Variants in CGNL1 observed in about 807,000 individuals in gnomAD.
CGNL1 encodes cingulin-like protein 1.
In CGNL1, 132 loss-of-function variants were observed where a neutral mutation model predicts 141.2. The observed-to-expected ratio is 0.93, with a 90% confidence interval of 0.81 to 1.08. The LOEUF is 1.08. Ranked by LOEUF, CGNL1 falls within the 50% of genes least tolerant of loss-of-function variation. The pLI is 0.00. For synonymous variants in CGNL1, 690 were observed against 622.1 expected, an observed-to-expected ratio of 1.11 and a Z score of -1.63; for missense variants, 1,870 against 1,588.6, an observed-to-expected ratio of 1.18 and a Z score of -3.01.
intron 8 of CGNL1, among the ~76,000 whole-genome samples, chr15:57,479,679 A>G (rs2063701416): frequency 6.6e-6 from 1 of 152,206 alleles, no homozygotes; most frequent in Non-Finnish European, 1.5e-5. Flanking sequence ...ACAAAAAACA[A>G]AACAAAATGA....
intron 1 of CGNL1, chr15:57,377,088 C>A (rs374258758): frequency 6.6e-6 from 1 of 152,280 alleles, no homozygotes; most frequent in African/African-American, 2.4e-5. Context: ...CCGAGAGAGC[C>A]CCCGCCTCAC....
At chr15:57,383,615 TC>T (rs1235009236) in intron 1 of CGNL1, among the ~76,000 whole-genome samples, 40,334 of 140,012 alleles carry the variant, frequency 0.29, 7,811 homozygotes, top group East Asian at 0.52. Flanking sequence ...TCTTTTCTTT[TC>T]TTTTCTTTTC....
chr15:57,406,671 A>T (rs2062726720), intron 1 of CGNL1, among the ~76,000 whole-genome samples: 1 of 152,186 alleles, frequency 6.6e-6, no homozygotes, highest in African/African-American at 2.4e-5. Flanking sequence ...TCTGGCCCAG[A>T]GGGTCCTTAT....
intron 8 of CGNL1, among the ~76,000 whole-genome samples, chr15:57,495,373 C>T (rs932246599): frequency 1.3e-5 from 2 of 152,136 alleles, no homozygotes; most frequent in Non-Finnish European, 1.5e-5. Context: ...TCTGAGACCT[C>T]GAGGTGGCAT....
chr15:57,379,140 G>A (rs1438001979), intron 1 of CGNL1, among the ~76,000 whole-genome samples: 2 of 152,032 alleles, frequency 1.3e-5, no homozygotes, highest in Non-Finnish European at 2.9e-5. Flanking sequence ...TGTCTCAATT[G>A]GGAAAAGAAA....
chr15:57,508,962 G>A lies in CGNL1; in HGVS notation c.2404-7818G>A, dbSNP rs74623916. Among the ~76,000 whole-genome samples the A allele has an allele frequency of 2.8e-3, 430 of 152,328 alleles. 5 individuals are homozygous for A. Among genetic ancestry groups the A allele is most frequent in the African/African-American group, 9.9e-3 (410 of 41,572 alleles). Reference sequence around the variant, plus strand: ...AAATGATTGGGAGAAGGGATGAAGTGTGCTAGTTAAGACTAAAATATATGC... The same window carrying A: ...AAATGATTGGGAGAAGGGATGAAGTATGCTAGTTAAGACTAAAATATATGC... On this transcript the variant is annotated intron_variant, in intron 8 of 18. Coordinates refer to ENST00000281282, the MANE Select transcript of CGNL1 (RefSeq NM_032866.5).
At chr15:57,420,295 C>G (rs773400149) in intron 1 of CGNL1, among the ~76,000 whole-genome samples, 3 of 152,142 alleles carry the variant, frequency 2.0e-5, no homozygotes, top group African/African-American at 2.4e-5. Flanking sequence ...TCTAGGTGCT[C>G]TCAGCCAAAA....
chr15:57,490,767 C>T (rs12898542), intron 8 of CGNL1, among the ~76,000 whole-genome samples: 104,045 of 151,960 alleles, frequency 0.68, 36,360 homozygotes, highest in East Asian at 1. Context: ...TTCTGGTGGA[C>T]TGGGGAGTCA....
At chr15:57,505,631 C>G (rs1226480747) in intron 8 of CGNL1, among the ~76,000 whole-genome samples, 3 of 152,182 alleles carry the variant, frequency 2.0e-5, no homozygotes, top group Non-Finnish European at 4.4e-5. Flanking sequence ...CAGAGTCAGC[C>G]TAAACGCTTG....
chr15:57,516,656 G>T, intron 8 of CGNL1, 124 bp from the exon 9 acceptor site: 1 of 1,002,150 alleles, frequency 1.0e-6, no homozygotes, highest in Non-Finnish European at 1.5e-6. Flanking sequence ...GCCGACCCCT[G>T]GCTCAGCACA....
At chr15:57,416,707 A>G (rs2062853270) in intron 1 of CGNL1, among the ~76,000 whole-genome samples, 1 of 152,120 alleles carries the variant, frequency 6.6e-6, no homozygotes, top group Admixed American at 6.5e-5. Flanking sequence ...AGTGTTGGTT[A>G]CCTGGAAACT....
intron 8 of CGNL1, among the ~76,000 whole-genome samples, chr15:57,469,654 A>T (rs2063555071): frequency 6.6e-6 from 1 of 151,952 alleles, no homozygotes; most frequent in African/African-American, 2.4e-5. Context: ...CCCATATTTT[A>T]TATTGTCTAA....
chr15:57,470,240 C>CTT (rs59724078), intron 8 of CGNL1, among the ~76,000 whole-genome samples: 9 of 123,714 alleles, frequency 7.3e-5, no homozygotes, highest in East Asian at 4.8e-4. Flanking sequence ...AAAAAGATCT[C>CTT]TTTTTTTTTG....
At chr15:57,501,574 T>C (rs1183784281) in intron 8 of CGNL1, among the ~76,000 whole-genome samples, 1 of 151,942 alleles carries the variant, frequency 6.6e-6, no homozygotes, top group African/African-American at 2.4e-5. Flanking sequence ...AGACGGGGTG[T>C]TGGCCATAGA....
At position 57,526,722 on chromosome 15, in the gene CGNL1, A is replaced by G. The variant is rs12594205; in HGVS notation, c.3040-1932A>G. Among the ~76,000 whole-genome samples the G allele has an allele frequency of 4.6e-5, 7 of 152,300 alleles. No individual in the cohort carries two copies. The East Asian group carries it at 1.4e-3, about 29-fold the overall frequency. ...AAAGTTGTTTGCTTGCTTATGATTC[A>G]GGATACATTGTTCACAGACACCATG... On this transcript the variant is annotated intron_variant, in intron 12 of 18. Coordinates refer to ENST00000281282, the MANE Select transcript of CGNL1 (RefSeq NM_032866.5).
chr15:57,497,541 G>A (rs2063958298), intron 8 of CGNL1, among the ~76,000 whole-genome samples: 1 of 152,184 alleles, frequency 6.6e-6, no homozygotes, highest in African/African-American at 2.4e-5. Flanking sequence ...GGTCTTGAGT[G>A]GCCTGAACCT....
At chr15:57,502,970 G>T (rs1314915218) in intron 8 of CGNL1, among the ~76,000 whole-genome samples, 1 of 152,156 alleles carries the variant, frequency 6.6e-6, no homozygotes, top group African/African-American at 2.4e-5. Context: ...TCCACTTTCA[G>T]AGGTCCCAGT....
chr15:57,495,132 C>T (rs1478545477), intron 8 of CGNL1, among the ~76,000 whole-genome samples: 1 of 152,150 alleles, frequency 6.6e-6, no homozygotes, highest in East Asian at 1.9e-4. Flanking sequence ...GGTCCTTAAA[C>T]CATGATGCTT....
At chr15:57,527,438 T>TTCTTC (rs2031681351) in intron 12 of CGNL1, 1 of 152,240 alleles carries the variant, frequency 6.6e-6, no homozygotes, top group Non-Finnish European at 1.5e-5. Flanking sequence ...CCCTGGTGTA[T>TTCTTC]TATTCTATTC....
Sources: gnomAD v4.1 joint callset for allele counts (sites outside exome capture counted in the v4.1 genomes callset) on GRCh38, gnomAD v4.1.1 for gene constraint, MANE v1.5 for transcripts, NCBI Gene and HGNC (gene_info 2026-07-23, HGNC 2026-07-21) for gene names.